Variants in ATAD2B observed in about 807,000 individuals in gnomAD.
ATAD2B encodes ATPase family AAA domain-containing protein 2B.
ATAD2B carries 40 observed loss-of-function variants against 167.6 expected under a neutral mutation model. The ratio of observed to expected loss-of-function variants is 0.24; its 90% confidence interval spans 0.19 to 0.31. The LOEUF is 0.31. Ranked by LOEUF, ATAD2B falls within the 10% of genes least tolerant of loss-of-function variation. The pLI, the probability that ATAD2B is intolerant of heterozygous loss-of-function variation, is 1.00. For missense variants in ATAD2B, 1,242 were observed against 1,757.2 expected (o/e 0.71, Z 5.24); for synonymous variants, 579 against 596.5 (o/e 0.97, Z 0.43).
At chr2:23,833,610 T>C (rs987478523) in intron 14 of ATAD2B, among the ~76,000 whole-genome samples, 3 of 152,176 alleles carry the variant, frequency 2.0e-5, no homozygotes, top group Admixed American at 2.0e-4. Context: ...TAAAGTTACT[T>C]TGGCTAACTA....
the ATAD2B span, among the ~76,000 whole-genome samples, chr2:23,733,070 G>A: frequency 6.6e-6 from 1 of 152,168 alleles, no homozygotes; most frequent in African/African-American, 2.4e-5. Flanking sequence ...TTTTCACTAA[G>A]TGTTAGTCGC....
At chr2:23,696,048 C>G in the ATAD2B span, 3 of 1,551,796 alleles carry the variant, frequency 1.9e-6, no homozygotes, top group Non-Finnish European at 8.7e-7. The surrounding 1 kb of genome is among the most constrained non-coding windows in gnomAD (Gnocchi z 5.5). Context: ...CGCAGAACAA[C>G]AAGTGGTACC....
At chr2:23,912,056 T>C (rs779512067) in intron 1 of ATAD2B, among the ~76,000 whole-genome samples, 6 of 150,500 alleles carry the variant, frequency 4.0e-5, no homozygotes, top group Non-Finnish European at 7.4e-5. Flanking sequence ...AACTGCAGAA[T>C]ACATATTCTT....
Position 23,751,995 on chromosome 2 carries a change from C to G in ATAD2B, c.*51G>C, listed in dbSNP as rs934134844. On this transcript the variant is annotated 3_prime_UTR_variant, in exon 28 of 28. Transcript: ENST00000238789. ...ATTTGAAATTGAATGGCTCAGAAGACTGCTCTGTGAGGAGCAGATTGGAGA... is the reference window on the plus strand; with the variant it reads ...ATTTGAAATTGAATGGCTCAGAAGAGTGCTCTGTGAGGAGCAGATTGGAGA... The G allele has an allele frequency of 4.3e-6, 6 of 1,402,430 alleles. No individual in the cohort carries two copies. In the Admixed American group the frequency reaches 8.1e-5, roughly 19 times the overall value. 86.9% of individuals were successfully genotyped at this position (1,402,430 alleles called of 1,614,324 possible). A position where few individuals can be genotyped will look rare whatever the true frequency, so the allele number is the denominator to read the frequency against.
intron 18 of ATAD2B, among the ~76,000 whole-genome samples, chr2:23,800,155 T>G (rs1162926659): frequency 6.6e-6 from 1 of 152,066 alleles, no homozygotes; most frequent in Non-Finnish European, 1.5e-5. Flanking sequence ...CAACTCCTTT[T>G]GTCACTTTCC....
chr2:23,713,961 A>C, the ATAD2B span, among the ~76,000 whole-genome samples: 2 of 152,200 alleles, frequency 1.3e-5, no homozygotes, highest in Non-Finnish European at 2.9e-5. Flanking sequence ...AAGGTTAAAT[A>C]GGTTTCTTTA....
chr2:23,717,664 C>G, the ATAD2B span, among the ~76,000 whole-genome samples: 2 of 151,860 alleles, frequency 1.3e-5, no homozygotes, highest in Admixed American at 6.6e-5. Context: ...ACAAAAGGAT[C>G]GAGAGGAAAT....
At chr2:23,828,775 A>G in intron 15 of ATAD2B, 74 bp downstream of exon 15, 1 of 939,992 alleles carries the variant, frequency 1.1e-6, no homozygotes, top group Non-Finnish European at 1.7e-6. Flanking sequence ...GCTCATTCAC[A>G]TTCCAAATAA....
the ATAD2B span, chr2:23,685,465 G>A: frequency 2.6e-5 from 4 of 152,300 alleles, no homozygotes; most frequent in African/African-American, 9.6e-5. Context: ...TGCTCAGAGG[G>A]AGGACAGGAC....
rs1697244692 is a variant in ATAD2B, at chr2:23,878,025, A to AAAAAAAAAAAAAAG, written c.902-2122_902-2121insCTTTTTTTTTTTTT. On this transcript the variant is annotated intron_variant, in intron 7 of 27. Transcript: ENST00000238789. ...ACCCTATCTCCAAAGAAAAAAAAAA[A>AAAAAAAAAAAAAAG]AAAAAAAAAAAAAAGCAAAATGTAT... 3.9e-3 allele frequency among the ~76,000 whole-genome samples: 415 copies of AAAAAAAAAAAAAAG among 105,926 alleles called. 1 individual carries two copies. Among genetic ancestry groups the AAAAAAAAAAAAAAG allele is most frequent in the East Asian group, 6.9e-3 (18 of 2,612 alleles). 69.5% of individuals were successfully genotyped at this position (105,926 alleles called of 152,430 possible).
intron 17 of ATAD2B, among the ~76,000 whole-genome samples, chr2:23,813,347 TTATAATA>T (rs1199098212): frequency 2.0e-5 from 3 of 147,882 alleles, no homozygotes; most frequent in Non-Finnish European, 4.5e-5. Context: ...ATAATATGAA[TTATAATA>T]TATAAGTTTA....
intron 6 of ATAD2B, 110 bp from the exon 7 acceptor site, chr2:23,880,865 G>C (rs1697780782): frequency 5.9e-6 from 4 of 676,134 alleles, no homozygotes; most frequent in East Asian, 5.7e-5. Flanking sequence ...TTTCTGCACA[G>C]GTGACATTTA....
chr2:23,787,049 A>AG (rs1292982719), intron 20 of ATAD2B, among the ~76,000 whole-genome samples: 1 of 151,188 alleles, frequency 6.6e-6, no homozygotes, highest in Non-Finnish European at 1.5e-5. Flanking sequence ...AGGGAGGGAA[A>AG]AAAAAAAAAA....
chr2:23,758,099 G>A lies in ATAD2B; in HGVS notation c.3397C>T (p.Arg1133Trp), dbSNP rs1357947231. Residue 1133 changes from arginine (R) to tryptophan (W), a missense_variant and splice_region_variant, in exon 25 of 28, where the codon CGG becomes TGG. Coordinates refer to ENST00000238789, the MANE Select transcript of ATAD2B (RefSeq NM_017552.4). ...WHNSANKCAF[R>W]VRRKSRRRSQ... ...CTCCGCCTTGATTTTCTCCGAACCC[G>A]AACTGTTTTACAAGGAAGGAAAAAA... 7 of 1,558,782 alleles carry A rather than the reference G, an allele frequency of 4.5e-6. No individual in the cohort carries two copies. Among genetic ancestry groups the A allele is most frequent in the Non-Finnish European group, 6.0e-6 (7 of 1,163,766 alleles).
chr2:23,695,943 C>T, the ATAD2B span: 2 of 1,550,692 alleles, frequency 1.3e-6, no homozygotes, highest in Non-Finnish European at 1.7e-6. The surrounding 1 kb of genome is among the most constrained non-coding windows in gnomAD (Gnocchi z 7.6). Flanking sequence ...CCATCCATGT[C>T]CCTGCAGGTG....
chr2:23,902,273 G>A (rs1235295250), intron 1 of ATAD2B, among the ~76,000 whole-genome samples: 1 of 152,110 alleles, frequency 6.6e-6, no homozygotes, highest in Admixed American at 6.6e-5. Context: ...TCACGGGAGG[G>A]TTTCAATCTT....
At chr2:23,907,836 A>G (rs976412694) in intron 1 of ATAD2B, among the ~76,000 whole-genome samples, 2 of 152,316 alleles carry the variant, frequency 1.3e-5, no homozygotes, top group South Asian at 2.1e-4. Context: ...ATAACGCCGC[A>G]TATCTACAAT....
intron 21 of ATAD2B, 127 bp downstream of exon 21, chr2:23,785,900 A>C: frequency 1.2e-6 from 1 of 823,748 alleles, no homozygotes; most frequent in African/African-American, 1.7e-5. Context: ...CACATGGATT[A>C]AAATTTTATA....
intron 21 of ATAD2B, 198 bp downstream of exon 21, chr2:23,785,829 A>G: frequency 8.3e-6 from 4 of 481,850 alleles, no homozygotes; most frequent in Non-Finnish European, 1.4e-5. Flanking sequence ...AGGCCAATAT[A>G]AATTGGTCGC....
Sources: gnomAD v4.1 joint callset for allele counts (sites outside exome capture counted in the v4.1 genomes callset) on GRCh38, gnomAD v4.1.1 for gene constraint, Gnocchi (gnomAD v3.1) non-coding constraint, MANE v1.5 for transcripts, NCBI Gene and HGNC (gene_info 2026-07-23, HGNC 2026-07-21) for gene names.